GPATCH2: variants seen among roughly 807,000 people sequenced by gnomAD.
GPATCH2 encodes the protein G patch domain-containing protein 2.
A neutral mutation model predicts 58.0 loss-of-function variants in GPATCH2; 51 were observed. That is an observed-to-expected ratio of 0.88 (90% confidence interval 0.70 to 1.11). The LOEUF (loss-of-function observed/expected upper bound fraction) is 1.11, where lower values mean the gene tolerates loss of function less well. Among genes scored for constraint, GPATCH2 ranks in the 50% most tolerant of loss-of-function variants. The pLI, the probability that GPATCH2 is intolerant of heterozygous loss-of-function variation, is 0.00. For missense variants in GPATCH2, 625 were observed against 652.2 expected, an observed-to-expected ratio of 0.96 and a Z score of 0.45; for synonymous variants, 222 against 218.5, an observed-to-expected ratio of 1.02 and a Z score of -0.14.
intron 1 of GPATCH2, among the ~76,000 whole-genome samples, chr1:217,624,089 T>C (rs1005264893): frequency 1.3e-5 from 2 of 152,082 alleles, no homozygotes; most frequent in African/African-American, 4.8e-5. Flanking sequence ...TACTCAGAGT[T>C]CAAATTATCT....
chr1:217,552,340 C>T (rs1230634720), intron 5 of GPATCH2, among the ~76,000 whole-genome samples: 1 of 152,114 alleles, frequency 6.6e-6, no homozygotes, highest in Admixed American at 6.5e-5. Flanking sequence ...TATCCACATA[C>T]ACACATATAC....
At chr1:217,498,982 T>C (rs757216540) in intron 6 of GPATCH2, among the ~76,000 whole-genome samples, 12 of 152,148 alleles carry the variant, frequency 7.9e-5, no homozygotes, top group Non-Finnish European at 1.6e-4. Flanking sequence ...ATCAAAGCCT[T>C]GCCTTCTCAC....
At chr1:217,455,947 C>A (rs540335037) in intron 8 of GPATCH2, among the ~76,000 whole-genome samples, 160 of 152,076 alleles carry the variant, frequency 1.1e-3, no homozygotes, top group African/African-American at 3.6e-3. Context: ...AAGAATTTGG[C>A]TGGGGATAGT....
intron 5 of GPATCH2, among the ~76,000 whole-genome samples, chr1:217,581,823 C>T (rs529623774): frequency 7.2e-5 from 11 of 152,062 alleles, no homozygotes; most frequent in Non-Finnish European, 1.2e-4. Context: ...CAGTAATGGG[C>T]GCCTGTGATC....
intron 2 of GPATCH2, among the ~76,000 whole-genome samples, chr1:217,615,647 T>A (rs1668851268): frequency 6.6e-6 from 1 of 152,068 alleles, no homozygotes. Flanking sequence ...TGAGGCAAAA[T>A]GTATTTAAAA....
intron 1 of GPATCH2, among the ~76,000 whole-genome samples, chr1:217,623,847 A>G (rs1669320987): frequency 6.6e-6 from 1 of 152,080 alleles, no homozygotes. Flanking sequence ...GGTTGCAGTG[A>G]GCTGAGATCG....
chr1:217,602,628 G>GAGCA (rs1476495987), intron 5 of GPATCH2, among the ~76,000 whole-genome samples: 1 of 152,136 alleles, frequency 6.6e-6, no homozygotes, highest in African/African-American at 2.4e-5. Context: ...AGCTGAAACA[G>GAGCA]AGCAAGCAAG....
intron 8 of GPATCH2, among the ~76,000 whole-genome samples, chr1:217,483,197 T>G (rs1440233134): frequency 6.6e-6 from 1 of 152,214 alleles, no homozygotes; most frequent in Non-Finnish European, 1.5e-5. Flanking sequence ...GTTTGTTTGT[T>G]TGAGACAGTC....
chr1:217,587,069 T>G (rs879800163), intron 5 of GPATCH2, among the ~76,000 whole-genome samples: 1 of 152,144 alleles, frequency 6.6e-6, no homozygotes, highest in Non-Finnish European at 1.5e-5. Context: ...GGGGAAGTTC[T>G]GCAACTTTGG....
At chr1:217,481,312 C>G (rs1049709227) in intron 8 of GPATCH2, among the ~76,000 whole-genome samples, 3 of 152,052 alleles carry the variant, frequency 2.0e-5, no homozygotes, top group African/African-American at 7.2e-5. Flanking sequence ...TAAAGTAAAA[C>G]AAATTTTTAA....
chr1:217,603,997 T>C (rs1485234739), intron 5 of GPATCH2, among the ~76,000 whole-genome samples: 2 of 152,098 alleles, frequency 1.3e-5, no homozygotes, highest in African/African-American at 4.8e-5. Context: ...TATAATTCTA[T>C]TAAGTTGTAC....
intron 8 of GPATCH2, among the ~76,000 whole-genome samples, chr1:217,480,836 A>C (rs1661181705): frequency 6.6e-6 from 1 of 152,336 alleles, no homozygotes; most frequent in Non-Finnish European, 1.5e-5. Context: ...ATTTGAAACA[A>C]TATGGATGGA....
rs771003485 is a variant in GPATCH2, at chr1:217,545,893, T to C, written c.1099-31004A>G. Among the ~76,000 whole-genome samples the C allele has an allele frequency of 4.7e-4, 71 of 152,350 alleles. 1 individual carries two copies. The highest frequency in any genetic ancestry group is 8.7e-4 in the Non-Finnish European group (59 of 68,030). The stretch of plus-strand genomic sequence containing the variant: ...TGGATAACTGTTAAACAGACATTTG[T>C]AATGTTATAAAGCCAACAAGGCCAT... On this transcript the variant is annotated intron_variant, in intron 5 of 9. Coordinates refer to ENST00000366935, the MANE Select transcript of GPATCH2 (RefSeq NM_018040.5).
intron 5 of GPATCH2, among the ~76,000 whole-genome samples, chr1:217,582,356 G>T (rs987340417): frequency 6.6e-6 from 1 of 151,730 alleles, no homozygotes; most frequent in African/African-American, 2.4e-5. Flanking sequence ...ATTTTTACCA[G>T]GTATTTTCAT....
chr1:217,453,815 GT>G (rs1179865682), intron 8 of GPATCH2, among the ~76,000 whole-genome samples: 1 of 152,154 alleles, frequency 6.6e-6, no homozygotes, highest in Non-Finnish European at 1.5e-5. Context: ...AGAGGAACTT[GT>G]CTCTTCATTG....
chr1:217,570,864 T>C (rs1190924914), intron 5 of GPATCH2, among the ~76,000 whole-genome samples: 1 of 152,216 alleles, frequency 6.6e-6, no homozygotes, highest in Non-Finnish European at 1.5e-5. Context: ...AAAGCGTATC[T>C]GACAGTCTTT....
intron 8 of GPATCH2, among the ~76,000 whole-genome samples, chr1:217,491,246 A>C (rs7539321): frequency 0.1 from 15,785 of 152,210 alleles, 1,663 homozygotes; most frequent in African/African-American, 0.27. Flanking sequence ...ATTGGAAAAA[A>C]TGAACAAGAT....
intron 5 of GPATCH2, among the ~76,000 whole-genome samples, chr1:217,572,565 T>C (rs1441324015): frequency 6.6e-6 from 1 of 152,124 alleles, no homozygotes; most frequent in Non-Finnish European, 1.5e-5. Flanking sequence ...ACAACCCCAA[T>C]GAGAAAACAG....
chr1:217,582,563 C>T (rs1667124095), intron 5 of GPATCH2, among the ~76,000 whole-genome samples: 1 of 152,010 alleles, frequency 6.6e-6, no homozygotes, highest in African/African-American at 2.4e-5. Context: ...AGCAACACCA[C>T]AATTTTACTT....
Sources: gnomAD v4.1 joint callset for allele counts (sites outside exome capture counted in the v4.1 genomes callset) on GRCh38, gnomAD v4.1.1 for gene constraint, MANE v1.5 for transcripts, NCBI Gene and HGNC (gene_info 2026-07-23, HGNC 2026-07-21) for gene names.